JAZF1: variants seen among roughly 807,000 people sequenced by gnomAD.
JAZF1 encodes the protein juxtaposed with another zinc finger protein 1.
In JAZF1, 8 loss-of-function variants were observed where a neutral mutation model predicts 26.4. The ratio of observed to expected loss-of-function variants is 0.30; its 90% CI spans 0.18 to 0.55. The LOEUF is 0.55. JAZF1 is among the 20% of genes least tolerant of loss of function. The probability of loss-of-function intolerance (pLI) is 0.94; values close to 1 mark genes in which losing one functional copy is unlikely to be tolerated. For synonymous variants in JAZF1, 126 were observed against 122.3 expected, an observed-to-expected ratio of 1.03 and a Z score of -0.20; for missense variants, 199 against 322.0, an observed-to-expected ratio of 0.62 and a Z score of 2.92.
chr7:28,163,221 T>G (rs1783319041), intron 1 of JAZF1, among the ~76,000 whole-genome samples: 2 of 152,206 alleles, frequency 1.3e-5, no homozygotes, highest in South Asian at 4.1e-4. Context: ...CATACCTTAG[T>G]AAGTTGCCCA....
intron 1 of JAZF1, among the ~76,000 whole-genome samples, chr7:28,056,239 T>C (rs1286468970): frequency 6.7e-6 from 1 of 150,252 alleles, no homozygotes; most frequent in Non-Finnish European, 1.5e-5. Context: ...AAAGCATAAA[T>C]GAGCACTAAT....
At chr7:27,986,703 C>T (rs573092030) in intron 2 of JAZF1, among the ~76,000 whole-genome samples, 143 of 148,464 alleles carry the variant, frequency 9.6e-4, no homozygotes, top group African/African-American at 3.4e-3. Flanking sequence ...CCTCTGATGC[C>T]GAGCTGAGGC....
intron 2 of JAZF1, among the ~76,000 whole-genome samples, chr7:27,946,721 G>A (rs757085820): frequency 1.3e-5 from 2 of 152,190 alleles, no homozygotes; most frequent in African/African-American, 4.8e-5. Flanking sequence ...GGGCTCCAAA[G>A]GTGGCTTCTG....
intron 2 of JAZF1, among the ~76,000 whole-genome samples, chr7:27,935,350 T>C (rs1784750020): frequency 6.6e-6 from 1 of 152,230 alleles, no homozygotes; most frequent in Non-Finnish European, 1.5e-5. Flanking sequence ...GCCATATTCA[T>C]ACACAAGAAC....
intron 1 of JAZF1, among the ~76,000 whole-genome samples, chr7:28,060,060 T>C (rs7797452): frequency 0.89 from 134,782 of 152,208 alleles, 60,341 homozygotes; most frequent in African/African-American, 0.94. Context: ...ATTCTAAATA[T>C]TTTATTCAAT....
chr7:27,874,469 T>A (rs1193993860), intron 3 of JAZF1, among the ~76,000 whole-genome samples: 1 of 152,056 alleles, frequency 6.6e-6, no homozygotes, highest in African/African-American at 2.4e-5. Context: ...GGAAGTGCCA[T>A]AAATCTCTCA....
chr7:27,905,693 T>C (rs564581971), intron 2 of JAZF1, among the ~76,000 whole-genome samples: 45 of 152,190 alleles, frequency 3.0e-4, no homozygotes, highest in African/African-American at 1.0e-3. Flanking sequence ...CCAATTTTTA[T>C]ATTGCCATGT....
chr7:28,003,979 C>T (rs1308501974), intron 1 of JAZF1, among the ~76,000 whole-genome samples: 2 of 152,070 alleles, frequency 1.3e-5, no homozygotes, highest in African/African-American at 4.8e-5. Flanking sequence ...GGGTGCTAGG[C>T]ATTGAAGGTC....
chr7:27,916,398 C>A (rs1034319702), intron 2 of JAZF1, among the ~76,000 whole-genome samples: 19 of 152,026 alleles, frequency 1.2e-4, no homozygotes, highest in African/African-American at 4.6e-4. Flanking sequence ...ACCATTGCTC[C>A]TAGGGGAAAT....
intron 3 of JAZF1, among the ~76,000 whole-genome samples, chr7:27,857,411 A>G (rs1783289376): frequency 6.6e-6 from 1 of 152,172 alleles, no homozygotes; most frequent in African/African-American, 2.4e-5. Context: ...CCTCCCCACA[A>G]GCTGAGGAAG....
intron 2 of JAZF1, among the ~76,000 whole-genome samples, chr7:27,930,553 C>T (rs529431314): frequency 1.4e-4 from 22 of 152,138 alleles, no homozygotes; most frequent in Non-Finnish European, 1.2e-4. Context: ...TTACAGCATA[C>T]GAAAAGGCAA....
At chr7:27,976,344 C>CAAAAAA (rs55992845) in intron 2 of JAZF1, among the ~76,000 whole-genome samples, 5 of 80,432 alleles carry the variant, frequency 6.2e-5, no homozygotes, top group Non-Finnish European at 9.0e-5. Flanking sequence ...GACTCCGTCT[C>CAAAAAA]AAAAAAAAAA....
At chr7:27,878,072 G>A (rs553343316) in intron 3 of JAZF1, among the ~76,000 whole-genome samples, 2 of 152,324 alleles carry the variant, frequency 1.3e-5, no homozygotes, top group African/African-American at 4.8e-5. Context: ...AGGGTCTGCA[G>A]GCCCAGAGGG....
intron 3 of JAZF1, among the ~76,000 whole-genome samples, chr7:27,869,550 T>C (rs1342126288): frequency 2.6e-5 from 4 of 152,258 alleles, no homozygotes; most frequent in Non-Finnish European, 5.9e-5. Context: ...GATGATTAAA[T>C]GGACACAGGC....
intron 2 of JAZF1, among the ~76,000 whole-genome samples, chr7:27,907,230 T>C (rs1784274520): frequency 1.3e-5 from 2 of 152,196 alleles, no homozygotes; most frequent in Admixed American, 6.5e-5. Flanking sequence ...GAGGTAATCC[T>C]AACACCTACC....
Position 28,180,475 on chromosome 7 carries a change from C to T in JAZF1, c.103G>A (p.Asp35Asn). 6.2e-7 allele frequency: 1 copy of T among 1,610,816 alleles called. No homozygotes were observed. The highest frequency in any genetic ancestry group is 2.2e-5 in the East Asian group (1 of 44,700). Residue 35 changes from aspartate to asparagine, a missense_variant, in exon 1 of 5, where the codon GAC becomes AAC. Around this residue, in one of 2 missense-constraint regions of JAZF1, gnomAD observed 137 missense variants for 184.8 expected, o/e 0.74. Coordinates refer to ENST00000283928, the MANE Select transcript of JAZF1 (RefSeq NM_175061.4). ...TLADLIEHIEDNHIDTDPRVL... is the reference protein window; with the variant it reads ...TLADLIEHIENNHIDTDPRVL... ...CCGGGCCATTTACCGATGTGGTTGT[C>T]CTCGATGTGCTCGATGAGGTCGGCC...
intron 2 of JAZF1, among the ~76,000 whole-genome samples, chr7:27,896,117 T>G (rs1204635678): frequency 3.3e-5 from 5 of 152,218 alleles, no homozygotes; most frequent in Non-Finnish European, 5.9e-5. Context: ...AGGTCACCAC[T>G]GATGATTTGT....
At chr7:28,090,848 C>T (rs1784283989) in intron 1 of JAZF1, among the ~76,000 whole-genome samples, 1 of 118,646 alleles carries the variant, frequency 8.4e-6, no homozygotes, top group South Asian at 2.9e-4. Context: ...GAGACGGAGT[C>T]TCGCTCTGTC....
At chr7:27,983,361 C>G (rs1785626909) in intron 2 of JAZF1, among the ~76,000 whole-genome samples, 1 of 151,926 alleles carries the variant, frequency 6.6e-6, no homozygotes, top group South Asian at 2.1e-4. Context: ...GATTGAAGAT[C>G]AAATGAATGA....
Sources: gnomAD v4.1 joint callset for allele counts (sites outside exome capture counted in the v4.1 genomes callset) on GRCh38, gnomAD v4.1.1 for gene constraint, gnomAD v4.1.1 regional missense constraint, MANE v1.5 for transcripts, NCBI Gene and HGNC (gene_info 2026-07-23, HGNC 2026-07-21) for gene names.